The following STAP1 variants were observed in gnomAD, a reference collection of about 807,000 sequenced individuals.
STAP1 encodes signal transducing adaptor family member 1.
STAP1 carries 30 observed loss-of-function variants against 37.8 expected under a neutral mutation model. The ratio of observed to expected loss-of-function variants is 0.79; its 90% CI spans 0.59 to 1.08. STAP1 has a LOEUF of 1.08. STAP1 is among the 50% of genes least tolerant of loss of function. The pLI, the probability that STAP1 is intolerant of heterozygous loss-of-function variation, is 0.00. For synonymous variants in STAP1, 130 were observed against 116.0 expected, an observed-to-expected ratio of 1.12 and a Z score of -0.78; for missense variants, 357 against 349.4, an observed-to-expected ratio of 1.02 and a Z score of -0.17.
intron 5 of STAP1, among the ~76,000 whole-genome samples, chr4:67,581,705 G>A (rs530233935): frequency 6.6e-6 from 1 of 152,164 alleles, no homozygotes; most frequent in African/African-American, 2.4e-5. Flanking sequence ...CACATCTTTA[G>A]AACAAATAGA....
At chr4:67,598,213 C>T (rs372522118) in intron 8 of STAP1, among the ~76,000 whole-genome samples, 6 of 152,130 alleles carry the variant, frequency 3.9e-5, no homozygotes, top group African/African-American at 9.7e-5. Flanking sequence ...TTTCTCTTGG[C>T]TATTGTGAAT....
chr4:67,586,700 T>C (rs142846714), intron 6 of STAP1, among the ~76,000 whole-genome samples: 2,618 of 152,250 alleles, frequency 0.017, 44 homozygotes, highest in Non-Finnish European at 0.024. Flanking sequence ...CTCATGAGAG[T>C]ATGGAAAAGG....
chr4:67,583,784 TG>T (rs1332300701), intron 6 of STAP1, 82 bp downstream of exon 6: 1 of 1,493,988 alleles, frequency 6.7e-7, no homozygotes, highest in Non-Finnish European at 9.0e-7. Context: ...ACCTGCTATG[TG>T]TTTCGTTGGG....
chr4:67,565,579 T>C (rs1727446996), intron 1 of STAP1, among the ~76,000 whole-genome samples: 1 of 152,202 alleles, frequency 6.6e-6, no homozygotes, highest in African/African-American at 2.4e-5. Flanking sequence ...TTCTTTTCTT[T>C]TCTTTTTTTA....
At chr4:67,581,536 A>G in intron 5 of STAP1, 65 bp downstream of exon 5, 1 of 1,522,716 alleles carries the variant, frequency 6.6e-7, no homozygotes, top group Middle Eastern at 1.8e-4. Context: ...ATTATAAAGG[A>G]GAGTTAGTCA....
At chr4:67,560,643 G>GGTGTGT (rs1553900082) in intron 1 of STAP1, among the ~76,000 whole-genome samples, 273 of 149,602 alleles carry the variant, frequency 1.8e-3, no homozygotes, top group African/African-American at 4.9e-3. Context: ...TGTGTGTGTG[G>GGTGTGT]GTGTGTGTCT....
chr4:67,559,011 ACCT>A lies in STAP1; in HGVS notation c.120+86_120+88del, dbSNP rs1348155115. The A allele has an allele frequency of 4.6e-6, 6 of 1,315,600 alleles. No individual in the cohort carries two copies. In the East Asian group the frequency reaches 1.3e-4, roughly 28 times the overall value. 81.5% of individuals were successfully genotyped at this position (1,315,600 alleles called of 1,614,324 possible). A position where few individuals can be genotyped will look rare whatever the true frequency, so the allele number is the denominator to read the frequency against. On this transcript the variant is annotated intron_variant, in intron 1 of 8. Transcript: ENST00000265404. ...TTTCATGGTGATGTGATGTGTTAAGACCTCCTTGTTTCTGTTGAAATTAAATCA... is the reference window on the plus strand; with the variant it reads ...TTTCATGGTGATGTGATGTGTTAAGACCTTGTTTCTGTTGAAATTAAATCA...
intron 1 of STAP1, 82 bp downstream of exon 1, chr4:67,559,011 A>T: frequency 1.5e-6 from 2 of 1,315,596 alleles, no homozygotes; most frequent in Non-Finnish European, 1.0e-6. Context: ...ATGTGTTAAG[A>T]CCTCCTTGTT....
intron 2 of STAP1, among the ~76,000 whole-genome samples, chr4:67,571,749 G>A (rs1433295060): frequency 6.6e-6 from 1 of 152,138 alleles, no homozygotes; most frequent in Non-Finnish European, 1.5e-5. Context: ...TACCTACCTT[G>A]GAACACTATA....
At chr4:67,562,814 A>AAT (rs1030466023) in intron 1 of STAP1, among the ~76,000 whole-genome samples, 29 of 151,928 alleles carry the variant, frequency 1.9e-4, no homozygotes, top group African/African-American at 6.5e-4. Context: ...GGAAATTATA[A>AAT]ATATATATAT....
Position 67,597,957 on chromosome 4 carries a change from A to G in STAP1, c.826+4601A>G, listed in dbSNP as rs544598593. On this transcript the variant is annotated intron_variant, in intron 8 of 8. Transcript: ENST00000265404. ...TTAAGAATTTGAGGGACTGTTGGGA[A>G]GGCATGATAGGTTTTGAAATGTGAA... Among the ~76,000 whole-genome samples the G allele has an allele frequency of 5.3e-4, 80 of 152,272 alleles. 1 individual carries two copies. The highest frequency in any genetic ancestry group is 1.9e-3 in the African/African-American group (77 of 41,558).
rs1727695834 is a variant in STAP1 at position 67,575,407 on chromosome 4, T to C, written c.215T>C (p.Val72Ala). ...SIIYVDKLDI[V>A]DLTCLTEQNS... Reference sequence around the variant, plus strand: ...CAGTATGTTGACAAATTAGACATAGTAGACCTCACATGCCTTACTGAGCAG... The same window carrying C: ...CAGTATGTTGACAAATTAGACATAGCAGACCTCACATGCCTTACTGAGCAG... The change falls in exon 3 of 9, where the codon GTA becomes GCA. Residue 72 changes from valine to alanine, a missense_variant. Transcript: ENST00000265404. 6.3e-7 allele frequency: 1 copy of C among 1,598,272 alleles called. No individual in the cohort carries two copies. The highest frequency in any genetic ancestry group is 8.5e-7 in the Non-Finnish European group (1 of 1,175,616).
chr4:67,599,247 T>TTA (rs1037387550), intron 8 of STAP1, among the ~76,000 whole-genome samples: 1 of 152,106 alleles, frequency 6.6e-6, no homozygotes, highest in Admixed American at 6.5e-5. Flanking sequence ...AAGTATTTAC[T>TTA]CCTCCTCTAT....
intron 1 of STAP1, among the ~76,000 whole-genome samples, chr4:67,564,089 T>G (rs1417216184): frequency 3.9e-5 from 6 of 152,192 alleles, no homozygotes; most frequent in African/African-American, 1.4e-4. Context: ...AGATTCTATG[T>G]GTATTTATTA....
intron 1 of STAP1, among the ~76,000 whole-genome samples, chr4:67,560,797 G>A (rs550177622): frequency 7.2e-5 from 11 of 152,104 alleles, no homozygotes; most frequent in Non-Finnish European, 5.9e-5. Flanking sequence ...GACTACAAGC[G>A]CATACCACAC....
chr4:67,602,362 T>C (rs2109879563), intron 8 of STAP1, among the ~76,000 whole-genome samples: 1 of 152,286 alleles, frequency 6.6e-6, no homozygotes, highest in South Asian at 2.1e-4. Context: ...ATTTAGTTCA[T>C]TTTGTAAGGT....
At chr4:67,564,595 C>A (rs1727423688) in intron 1 of STAP1, among the ~76,000 whole-genome samples, 1 of 152,092 alleles carries the variant, frequency 6.6e-6, no homozygotes, top group Non-Finnish European at 1.5e-5. Context: ...TTTTTTTCCT[C>A]CAGGAATCAT....
intron 1 of STAP1, among the ~76,000 whole-genome samples, chr4:67,560,623 A>T (rs1276022458): frequency 2.7e-5 from 4 of 145,542 alleles, no homozygotes; most frequent in Non-Finnish European, 6.0e-5. Flanking sequence ...AATTTATAGT[A>T]AAGTATCTTT....
At chr4:67,564,924 C>A in intron 1 of STAP1, among the ~76,000 whole-genome samples, 1 of 152,122 alleles carries the variant, frequency 6.6e-6, no homozygotes, top group Non-Finnish European at 1.5e-5. Flanking sequence ...TCAAAACAAA[C>A]AAACAAACAA....
Sources: allele counts gnomAD v4.1 joint callset (sites outside exome capture counted in the v4.1 genomes callset), GRCh38; gene constraint gnomAD v4.1.1; transcripts MANE v1.5; gene names NCBI Gene and HGNC (gene_info 2026-07-23, HGNC 2026-07-21).